Variants in NF2 observed in about 807,000 individuals in gnomAD.
NF2 encodes merlin.
A neutral mutation model predicts 83.7 loss-of-function variants in NF2; 8 were observed. The ratio of observed to expected loss-of-function variants is 0.10; its 90% confidence interval spans 0.06 to 0.17. The LOEUF (loss-of-function observed/expected upper bound fraction) is 0.17, where lower values mean the gene tolerates loss of function less well. Ranked by LOEUF, NF2 falls within the 10% of genes least tolerant of loss-of-function variation. The probability of loss-of-function intolerance (pLI) is 1.00; values close to 1 mark genes in which losing one functional copy is unlikely to be tolerated. For synonymous variants in NF2, 266 were observed against 269.6 expected (o/e 0.99, Z 0.13); for missense variants, 533 against 744.4 (o/e 0.72, Z 3.31).
chr22:29,681,024 C>G (rs977030063), intron 14 of NF2, among the ~76,000 whole-genome samples: 2 of 150,986 alleles, frequency 1.3e-5, no homozygotes, highest in African/African-American at 4.9e-5. Flanking sequence ...TTACCAAGGG[C>G]TTTTCTACTC....
chr22:29,620,562 A>G (rs1406557557), intron 1 of NF2, among the ~76,000 whole-genome samples: 1 of 146,214 alleles, frequency 6.8e-6, no homozygotes, highest in Non-Finnish European at 1.5e-5. Context: ...AACATGGGAA[A>G]AACTCGTCTC....
At chr22:29,613,151 G>A (rs1299223265) in intron 1 of NF2, among the ~76,000 whole-genome samples, 1 of 151,718 alleles carries the variant, frequency 6.6e-6, no homozygotes, top group Non-Finnish European at 1.5e-5. Context: ...GAATCGCAAG[G>A]GACCCACAAT....
intron 12 of NF2, among the ~76,000 whole-genome samples, chr22:29,674,029 CT>C (rs903037879): frequency 6.6e-6 from 1 of 152,182 alleles, no homozygotes; most frequent in African/African-American, 2.4e-5. Context: ...GTTGTCTGTA[CT>C]TTTGAAAGAC....
chr22:29,626,172 TGAG>T, intron 1 of NF2, among the ~76,000 whole-genome samples: 1 of 147,866 alleles, frequency 6.8e-6, no homozygotes, highest in Middle Eastern at 3.5e-3. Flanking sequence ...TTTTTTTTTT[TGAG>T]ATGGAGTCTA....
rs901830053 is a variant in NF2 at position 29,654,739 on chromosome 22, T to C, written c.516+14T>C. 3.6e-5 allele frequency: 58 copies of C among 1,605,486 alleles called. No homozygotes were observed. Among genetic ancestry groups the C allele is most frequent in the Non-Finnish European group, 4.9e-5 (58 of 1,172,210 alleles). On this transcript the variant is annotated intron_variant, in intron 5 of 15. Coordinates refer to ENST00000338641, the MANE Select transcript of NF2 (RefSeq NM_000268.4). ...CTTCCAAAAAGGGTAAGAGATTAAA[T>C]TCCCTTTTCAGGAAGACATAGCAGA...
Position 29,694,607 on chromosome 22 carries a change from A to ACAG in NF2, c.1738-143_1738-141dup. 1 of 814,750 alleles carries ACAG rather than the reference A, an allele frequency of 1.2e-6. No individual in the cohort carries two copies. The highest frequency in any genetic ancestry group is 2.7e-5 in the East Asian group (1 of 37,626). 50.5% of individuals were successfully genotyped at this position (814,750 alleles called of 1,614,324 possible). ...AAATCTGGCCGCTTATTTGGGACTG[A>ACAG]CAGCCAACTTCTTGAGCATCTATTT... On this transcript the variant is annotated intron_variant, in intron 15 of 15. Coordinates refer to ENST00000338641, the MANE Select transcript of NF2 (RefSeq NM_000268.4). This position sits in a 1 kb window ranked among gnomAD's most constrained non-coding sequence, Gnocchi z 4.1.
chr22:29,689,177 CAAAAAAA>C (rs140087), intron 15 of NF2, among the ~76,000 whole-genome samples: 19 of 89,300 alleles, frequency 2.1e-4, no homozygotes, highest in Non-Finnish European at 3.2e-4. Flanking sequence ...GACTCCGTCT[CAAAAAAA>C]AAAAAAAAAA....
rs11913715 is a variant in NF2, at chr22:29,654,984, A to C, written c.516+259A>C. On this transcript the variant is annotated intron_variant, in intron 5 of 15. Transcript: ENST00000338641. ...GTGGTTGTTTTTTCAGATGCAGTTG[A>C]GCATCATTGATTCCCAAAGAGGAGG... 0.016 allele frequency among the ~76,000 whole-genome samples: 2,404 copies of C among 152,222 alleles called. 67 individuals carry two copies. Among genetic ancestry groups the C allele is most frequent in the African/African-American group, 0.056 (2,312 of 41,526 alleles).
intron 1 of NF2, among the ~76,000 whole-genome samples, chr22:29,616,935 G>T (rs983602351): frequency 9.0e-4 from 130 of 144,414 alleles, no homozygotes; most frequent in African/African-American, 1.3e-3. Context: ...TTTTTTGGGG[G>T]TTTTTTTTTT....
chr22:29,648,178 A>T (rs889672322), intron 4 of NF2, among the ~76,000 whole-genome samples: 10 of 151,942 alleles, frequency 6.6e-5, no homozygotes, highest in African/African-American at 1.9e-4. Context: ...TAAAAAAATT[A>T]AAAAAGGTAG....
chr22:29,613,042 T>C (rs1165928890), intron 1 of NF2, among the ~76,000 whole-genome samples: 1 of 150,974 alleles, frequency 6.6e-6, no homozygotes, highest in Non-Finnish European at 1.5e-5. Context: ...TGCGGTGAGC[T>C]GAGATCACGC....
chr22:29,643,827 T>C (rs1393465743), intron 4 of NF2, among the ~76,000 whole-genome samples: 1 of 151,530 alleles, frequency 6.6e-6, no homozygotes, highest in East Asian at 2.0e-4. Context: ...GACGGGGTGG[T>C]GGCCGGGCAG....
At chr22:29,609,328 G>A in intron 1 of NF2, 1 of 652,084 alleles carries the variant, frequency 1.5e-6, no homozygotes, top group Non-Finnish European at 3.0e-6. Flanking sequence ...TCCCATCTTT[G>A]GCTATAGAGG....
chr22:29,655,792 A>G (rs2066288432), intron 6 of NF2, 116 bp downstream of exon 6: 1 of 839,940 alleles, frequency 1.2e-6, no homozygotes, highest in Non-Finnish European at 1.9e-6. Context: ...ACTGAAGTCT[A>G]TAAAAGAAAA....
intron 1 of NF2, among the ~76,000 whole-genome samples, chr22:29,619,195 C>T (rs1052513732): frequency 6.6e-6 from 1 of 152,024 alleles, no homozygotes; most frequent in African/African-American, 2.4e-5. Flanking sequence ...CAGGCATGTG[C>T]CAACACGCCC....
chr22:29,638,672 C>T (rs562006814), intron 2 of NF2, among the ~76,000 whole-genome samples: 3 of 151,928 alleles, frequency 2.0e-5, no homozygotes, highest in South Asian at 2.1e-4. Context: ...TATTCTATCA[C>T]GGACCTAAAT....
chr22:29,682,097 T>G (rs2067152803), intron 15 of NF2, among the ~76,000 whole-genome samples: 1 of 152,272 alleles, frequency 6.6e-6, no homozygotes. Context: ...AGAGAAGACT[T>G]TATTACTTTG....
intron 13 of NF2, among the ~76,000 whole-genome samples, chr22:29,675,465 A>C (rs1486163791): frequency 6.8e-6 from 1 of 148,068 alleles, no homozygotes; most frequent in African/African-American, 2.5e-5. Context: ...TCTTCTGTGC[A>C]TTCAGTTTGG....
chr22:29,609,808 C>T (rs923384061), intron 1 of NF2, among the ~76,000 whole-genome samples: 4 of 152,044 alleles, frequency 2.6e-5, no homozygotes, highest in Non-Finnish European at 4.4e-5. Flanking sequence ...GTCTTAATGT[C>T]TAAGGAGGGC....
Sources: gnomAD v4.1 joint callset for allele counts (sites outside exome capture counted in the v4.1 genomes callset) on GRCh38, gnomAD v4.1.1 for gene constraint, Gnocchi (gnomAD v3.1) non-coding constraint, MANE v1.5 for transcripts, NCBI Gene and HGNC (gene_info 2026-07-23, HGNC 2026-07-21) for gene names.